Variants in COL12A1 observed in about 807,000 individuals in gnomAD.
The protein encoded by COL12A1 is collagen type XII alpha 1 chain.
COL12A1 carries 114 observed loss-of-function variants against 349.7 expected under a neutral mutation model. The ratio of observed to expected loss-of-function variants is 0.33; its 90% CI spans 0.28 to 0.38. COL12A1 has a LOEUF of 0.38. Among genes scored for constraint, COL12A1 ranks in the 10% least tolerant of loss-of-function variants. The pLI is 1.00. For missense variants in COL12A1, 3,284 were observed against 3,756.9 expected (o/e 0.87, Z 3.29); for synonymous variants, 1,369 against 1,329.0 (o/e 1.03, Z -0.66).
intron 5 of COL12A1, among the ~76,000 whole-genome samples, 194 bp from the exon 6 acceptor site, chr6:75,190,009 A>G (rs1769846277): frequency 6.6e-6 from 1 of 152,052 alleles, no homozygotes; most frequent in South Asian, 2.1e-4. Flanking sequence ...CAATGCCTTT[A>G]TCAAGATGAA....
At chr6:75,169,583 TGGTGCTGGGGTTTGTTTAGG>T (rs1562266570) in intron 13 of COL12A1, among the ~76,000 whole-genome samples, 1 of 152,232 alleles carries the variant, frequency 6.6e-6, no homozygotes, top group African/African-American at 2.4e-5. Flanking sequence ...ATGTGTCTTA[TGGTGCTGGGGTTTGTTTAGG>T]GTTTTTTTTG....
chr6:75,165,868 C>G, intron 13 of COL12A1, 89 bp from the exon 14 acceptor site: 1 of 1,282,424 alleles, frequency 7.8e-7, no homozygotes, highest in South Asian at 1.5e-5. Flanking sequence ...GAGATTCTGA[C>G]TTGCTGGACT....
Position 75,183,629 on chromosome 6 carries a change from T to C in COL12A1, c.1312A>G (p.Lys438Glu), listed in dbSNP as rs1769448083. 6.2e-7 allele frequency: 1 copy of C among 1,611,520 alleles called. No homozygotes were observed. Among genetic ancestry groups the C allele is most frequent in the East Asian group, 2.2e-5 (1 of 44,876 alleles). ...TCAACCAAAAACACAATATCGGCTT[T>C]TATATCCACACCACGTGAGCATTCT... Reference protein sequence around the residue: ...QVECSRGVDIKADIVFLVDGS... With the variant: ...QVECSRGVDIEADIVFLVDGS... The change falls in exon 10 of 66, where the codon AAA (lysine) becomes GAA (glutamate). Residue 438 changes from lysine to glutamate, a missense_variant. Coordinates refer to ENST00000322507, the MANE Select transcript of COL12A1 (RefSeq NM_004370.6).
chr6:75,174,931 GA>G (rs1562276610), intron 13 of COL12A1, 106 bp downstream of exon 13: 1 of 1,239,842 alleles, frequency 8.1e-7, no homozygotes, highest in African/African-American at 1.5e-5. Flanking sequence ...CTTTTTAAGA[GA>G]AAGGATTGCA....
intron 3 of COL12A1, among the ~76,000 whole-genome samples, chr6:75,193,158 C>T (rs1030543058): frequency 3.3e-5 from 5 of 152,028 alleles, no homozygotes; most frequent in African/African-American, 1.2e-4. Flanking sequence ...AACCAAGATC[C>T]CCAGAGGACA....
Position 75,165,776 on chromosome 6 carries a change from C to G in COL12A1, c.2714G>C (p.Arg905Pro), listed in dbSNP as rs369193482. 6.2e-7 allele frequency: 1 copy of G among 1,610,472 alleles called. No individual in the cohort carries two copies. The highest frequency in any genetic ancestry group is 1.1e-5 in the South Asian group (1 of 90,384). ...LFGEGTTLEE[R>P]GSPQDLVTKD... Reference sequence around the variant, plus strand: ...AGTAACTAAATCTTGAGGAGAACCACGTTCTAGAACAGAAATTAAAAGGGA... The same window carrying G: ...AGTAACTAAATCTTGAGGAGAACCAGGTTCTAGAACAGAAATTAAAAGGGA... Residue 905 changes from arginine (R) to proline (P), a missense_variant, in exon 14 of 66, where the codon CGT (arginine) becomes CCT (proline). Transcript: ENST00000322507.
intron 59 of COL12A1, 35 bp downstream of exon 59, chr6:75,097,218 G>T: frequency 6.2e-7 from 1 of 1,601,590 alleles, no homozygotes; most frequent in Non-Finnish European, 8.6e-7. Context: ...GGGTGGGAGT[G>T]AAGGGCACAA....
intron 5 of COL12A1, among the ~76,000 whole-genome samples, chr6:75,190,253 A>G (rs1232882058): frequency 1.3e-5 from 2 of 151,984 alleles, no homozygotes; most frequent in African/African-American, 4.8e-5. Flanking sequence ...ATTTATCAAC[A>G]AATAAATACA....
chr6:75,144,834 T>G (rs1045672317), intron 25 of COL12A1, among the ~76,000 whole-genome samples: 1 of 152,242 alleles, frequency 6.6e-6, no homozygotes, highest in Non-Finnish European at 1.5e-5. Flanking sequence ...AATTGATTAA[T>G]TCACTTAACT....
chr6:75,175,133 C>T lies in COL12A1; in HGVS notation c.2615G>A (p.Gly872Glu). 1 of 1,614,194 alleles carries T rather than the reference C, an allele frequency of 6.2e-7. No individual in the cohort carries two copies. The highest frequency in any genetic ancestry group is 8.5e-7 in the Non-Finnish European group (1 of 1,180,032). ...GGCGTATTGTGTCCCTTCCTTCAAT[C>T]CCTGCAGCACCGTATTGGTTGTATC... is the stretch of plus-strand genomic sequence containing the variant. ...RGDTTNTVLQGLKEGTQYALS... is the reference protein window; with the variant it reads ...RGDTTNTVLQELKEGTQYALS... The change falls in exon 13 of 66, where the codon GGA (glycine) becomes GAA (glutamate). Residue 872 changes from glycine (G) to glutamate (E), a missense_variant. Gly to Glu is a moderately conservative substitution (Grantham distance 98). Coordinates refer to ENST00000322507, the MANE Select transcript of COL12A1 (RefSeq NM_004370.6).
At chr6:75,136,072 T>C (rs566351668) in intron 31 of COL12A1, among the ~76,000 whole-genome samples, 1 of 152,292 alleles carries the variant, frequency 6.6e-6, no homozygotes, top group Non-Finnish European at 1.5e-5. Flanking sequence ...CGAGACTCTT[T>C]ATGATAGCAA....
At chr6:75,152,299 A>G (rs765318446) in intron 18 of COL12A1, 34 bp downstream of exon 18, 81 of 1,613,300 alleles carry the variant, frequency 5.0e-5, no homozygotes, top group Non-Finnish European at 6.9e-5. Flanking sequence ...AAAGATAAAA[A>G]TGTCTAAATG....
chr6:75,174,488 A>G (rs1053366486), intron 13 of COL12A1, among the ~76,000 whole-genome samples: 15 of 152,256 alleles, frequency 9.9e-5, no homozygotes, highest in Non-Finnish European at 2.1e-4. Flanking sequence ...CCATAGAGGC[A>G]GAGCTTGCAG....
rs1033097935 is a variant in COL12A1, at chr6:75,121,353, G to A, written c.7035C>T (p.Phe2345=). The A allele has an allele frequency of 6.2e-7, 1 of 1,611,920 alleles. No homozygotes were observed. The highest frequency in any genetic ancestry group is 1.1e-5 in the South Asian group (1 of 90,828). ...CAAAGCCTCCCACAGTATTGAAGAT[G>A]AATTTTACAACTTTGTTAAAATTAT... ...GDDNFNKVVK[F]IFNTVGGFDE... The change falls in exon 44 of 66, where the codon TTC becomes TTT. Residue 2345 remains phenylalanine, a synonymous_variant. Transcript: ENST00000322507.
At chr6:75,170,903 T>A (rs1411059298) in intron 13 of COL12A1, among the ~76,000 whole-genome samples, 1 of 152,220 alleles carries the variant, frequency 6.6e-6, no homozygotes, top group Non-Finnish European at 1.5e-5. Flanking sequence ...AAGCCATTCA[T>A]ATCCAGGACA....
chr6:75,156,116 T>G (rs1352783199), intron 15 of COL12A1, 141 bp downstream of exon 15: 15 of 1,090,918 alleles, frequency 1.4e-5, no homozygotes, highest in Non-Finnish European at 1.9e-5. Flanking sequence ...AAATAACATG[T>G]TATTTAGACA....
chr6:75,166,641 C>A (rs1352276399), intron 13 of COL12A1, among the ~76,000 whole-genome samples: 2 of 152,100 alleles, frequency 1.3e-5, no homozygotes, highest in Admixed American at 1.3e-4. Context: ...AGGGTTTATG[C>A]CACAGTATGA....
rs749146958 is a variant in COL12A1 at position 75,177,810 on chromosome 6, C to G, written c.2290G>C (p.Glu764Gln). ...GGTGGGGTGGTAACTTCTCTGCTCT[C>G]TCCACCAGCAACTGGTCTATATATA... ...RIIYRPVAGG[E>Q]SREVTTPPNQ... Residue 764 changes from glutamate (E) to glutamine (Q), a missense_variant, in exon 12 of 66, where the codon GAG becomes CAG. By Grantham distance (29) the Glu-to-Gln change is conservative. Coordinates refer to ENST00000322507, the MANE Select transcript of COL12A1 (RefSeq NM_004370.6). The G allele has an allele frequency of 1.2e-6, 2 of 1,614,172 alleles. No homozygotes were observed. Among genetic ancestry groups the G allele is most frequent in the South Asian group, 2.2e-5 (2 of 91,088 alleles).
At chr6:75,137,973 G>A (rs192896730) in intron 30 of COL12A1, among the ~76,000 whole-genome samples, 54 of 152,124 alleles carry the variant, frequency 3.5e-4, no homozygotes, top group African/African-American at 1.2e-3. Context: ...GACCGAGAAA[G>A]GGGCTGGCTA....
Sources: gnomAD v4.1 joint callset for allele counts (sites outside exome capture counted in the v4.1 genomes callset) on GRCh38, gnomAD v4.1.1 for gene constraint, MANE v1.5 for transcripts, NCBI Gene and HGNC (gene_info 2026-07-23, HGNC 2026-07-21) for gene names.